The following DLGAP2 variants were observed in gnomAD, a reference collection of about 807,000 sequenced individuals.
The protein encoded by DLGAP2 is disks large-associated protein 2.
A neutral mutation model predicts 100.3 loss-of-function variants in DLGAP2; 26 were observed. The ratio of observed to expected loss-of-function variants is 0.26; its 90% CI spans 0.19 to 0.36. The LOEUF (loss-of-function observed/expected upper bound fraction) is 0.36. Ranked by LOEUF, DLGAP2 falls within the 10% of genes least tolerant of loss-of-function variation. The pLI is 1.00. For synonymous variants in DLGAP2, 886 were observed against 630.1 expected (o/e 1.41, Z -6.08); for missense variants, 1,858 against 1,453.2 (o/e 1.28, Z -4.53).
chr8:1,286,767 C>A (rs1198812136), intron 3 of DLGAP2, among the ~76,000 whole-genome samples: 1 of 152,244 alleles, frequency 6.6e-6, no homozygotes, highest in Admixed American at 6.5e-5. Context: ...CTGTGCTGTA[C>A]TGAACTACTT....
At chr8:987,724 C>A (rs764658957) in intron 2 of DLGAP2, among the ~76,000 whole-genome samples, 1 of 152,142 alleles carries the variant, frequency 6.6e-6, no homozygotes, top group Admixed American at 6.5e-5. Context: ...TCCAAGCCGA[C>A]GACAAGCCCA....
chr8:1,287,643 T>C (rs1187134401), intron 3 of DLGAP2, among the ~76,000 whole-genome samples: 7 of 132,458 alleles, frequency 5.3e-5, no homozygotes, highest in Admixed American at 3.9e-4. Context: ...AGTGTGTGTG[T>C]GTGTGTGTGT....
At chr8:1,316,214 G>C (rs1435777940) in intron 3 of DLGAP2, among the ~76,000 whole-genome samples, 1 of 123,188 alleles carries the variant, frequency 8.1e-6, no homozygotes, top group Non-Finnish European at 1.7e-5. Context: ...CGAGTGCAGC[G>C]TCTCTCCAAC....
intron 2 of DLGAP2, among the ~76,000 whole-genome samples, chr8:968,061 T>C (rs1799924599): frequency 6.6e-6 from 1 of 151,494 alleles, no homozygotes; most frequent in African/African-American, 2.4e-5. Flanking sequence ...CACACATTGT[T>C]ATTCACCTGT....
chr8:1,059,918 C>A (rs1037989534), intron 2 of DLGAP2, among the ~76,000 whole-genome samples: 1 of 152,184 alleles, frequency 6.6e-6, no homozygotes, highest in Middle Eastern at 3.4e-3. Context: ...GGGCATGGAT[C>A]GGGGGTATTC....
chr8:1,697,347 C>A, intron 14 of DLGAP2, 48 bp downstream of exon 14: 1 of 1,543,964 alleles, frequency 6.5e-7, no homozygotes. Flanking sequence ...CCCTTTCTCA[C>A]TGCACTAACG....
At chr8:1,673,796 A>G (rs1325014330) in intron 10 of DLGAP2, among the ~76,000 whole-genome samples, 1 of 152,240 alleles carries the variant, frequency 6.6e-6, no homozygotes, top group Non-Finnish European at 1.5e-5. Context: ...GAATCTGACC[A>G]GCTCCAAAAA....
intron 2 of DLGAP2, among the ~76,000 whole-genome samples, chr8:1,026,548 G>C (rs1801806062): frequency 6.6e-6 from 1 of 152,224 alleles, no homozygotes; most frequent in South Asian, 2.1e-4. Flanking sequence ...TTTCTTTGCA[G>C]GTTGTCTTAT....
At chr8:1,501,163 C>T (rs953982656) in intron 3 of DLGAP2, among the ~76,000 whole-genome samples, 2 of 152,132 alleles carry the variant, frequency 1.3e-5, no homozygotes, top group African/African-American at 4.8e-5. Context: ...TCTGTGGTCA[C>T]AATGCTGCTT....
chr8:974,662 A>G (rs957248900), intron 2 of DLGAP2, among the ~76,000 whole-genome samples: 1 of 152,244 alleles, frequency 6.6e-6, no homozygotes, highest in African/African-American at 2.4e-5. Flanking sequence ...TCGTCAAAGA[A>G]GAAGTCTCAA....
chr8:1,676,668 G>C, intron 11 of DLGAP2, 50 bp downstream of exon 11: 1 of 1,554,744 alleles, frequency 6.4e-7, no homozygotes. Context: ...AGGGCTCTTT[G>C]TCAAAGGCCT....
intron 3 of DLGAP2, among the ~76,000 whole-genome samples, chr8:1,311,951 C>T (rs965882912): frequency 1.3e-5 from 2 of 152,158 alleles, no homozygotes; most frequent in Non-Finnish European, 2.9e-5. Flanking sequence ...ACCATTAATG[C>T]TGGAGATTTT....
chr8:1,646,527 C>A (rs144063247), intron 8 of DLGAP2, among the ~76,000 whole-genome samples: 2 of 152,240 alleles, frequency 1.3e-5, no homozygotes, highest in East Asian at 3.9e-4. Context: ...GGTATTTTTT[C>A]AGGTTCTGTA....
At chr8:1,246,118 G>T (rs1798896212) in intron 2 of DLGAP2, among the ~76,000 whole-genome samples, 1 of 152,150 alleles carries the variant, frequency 6.6e-6, no homozygotes, top group African/African-American at 2.4e-5. Context: ...AATTTGTCAT[G>T]AATAGGATTC....
At chr8:1,004,892 C>T (rs548252949) in intron 2 of DLGAP2, among the ~76,000 whole-genome samples, 2 of 152,274 alleles carry the variant, frequency 1.3e-5, no homozygotes, top group Non-Finnish European at 2.9e-5. Flanking sequence ...ATGCAGTGGG[C>T]AGAACTCAGG....
At position 925,829 on chromosome 8, in the gene DLGAP2, C is replaced by T. The variant is rs1051280113; in HGVS notation, c.73+17863C>T. On this transcript the variant is annotated intron_variant, in intron 2 of 14. Coordinates refer to ENST00000637795, the MANE Select transcript of DLGAP2 (RefSeq NM_001346810.2). Reference sequence around the variant, plus strand: ...CCATGTGTCCATTCTAGCATGAAGGCAGGAAAAAATGTGGTGTTCCAGTTC... The same window carrying T: ...CCATGTGTCCATTCTAGCATGAAGGTAGGAAAAAATGTGGTGTTCCAGTTC... Among the ~76,000 whole-genome samples the T allele has an allele frequency of 9.2e-5, 14 of 152,034 alleles. 1 individual carries two copies. The highest frequency in any genetic ancestry group is 6.6e-4 in the Admixed American group (10 of 15,260).
chr8:1,527,139 C>G (rs1261323112), intron 4 of DLGAP2, among the ~76,000 whole-genome samples: 4 of 152,262 alleles, frequency 2.6e-5, no homozygotes, highest in Non-Finnish European at 4.4e-5. Flanking sequence ...CGTTCACACG[C>G]CCTATCCAAC....
chr8:1,149,214 C>CGGCT (rs1204886034), intron 2 of DLGAP2, among the ~76,000 whole-genome samples: 1 of 152,022 alleles, frequency 6.6e-6, no homozygotes, highest in East Asian at 1.9e-4. Flanking sequence ...GGCGCAATGT[C>CGGCT]GGCTCACTGC....
intron 1 of DLGAP2, among the ~76,000 whole-genome samples, chr8:801,085 C>T (rs909882984): frequency 4.6e-5 from 7 of 152,330 alleles, no homozygotes; most frequent in Admixed American, 6.5e-5. Flanking sequence ...CTTCTCACCA[C>T]GCTGCGTGTT....
Sources: gnomAD v4.1 joint callset for allele counts (sites outside exome capture counted in the v4.1 genomes callset) on GRCh38, gnomAD v4.1.1 for gene constraint, MANE v1.5 for transcripts, NCBI Gene and HGNC (gene_info 2026-07-23, HGNC 2026-07-21) for gene names.